Variants in RUNX2 observed in about 807,000 individuals in gnomAD.
RUNX2 encodes the protein RUNX family transcription factor 2.
A neutral mutation model predicts 51.7 loss-of-function variants in RUNX2; 10 were observed. That is an observed-to-expected ratio of 0.19 (90% confidence interval 0.12 to 0.33). The LOEUF (loss-of-function observed/expected upper bound fraction) is 0.33. Ranked by LOEUF, RUNX2 falls within the 10% of genes least tolerant of loss-of-function variation. The pLI, the probability that RUNX2 is intolerant of heterozygous loss-of-function variation, is 1.00. For synonymous variants in RUNX2, 276 were observed against 273.6 expected, an observed-to-expected ratio of 1.01 and a Z score of -0.09; for missense variants, 562 against 691.3, an observed-to-expected ratio of 0.81 and a Z score of 2.10.
At chr6:45,396,754 T>C (rs1385166242) in intron 2 of RUNX2, among the ~76,000 whole-genome samples, 1 of 152,218 alleles carries the variant, frequency 6.6e-6, no homozygotes, top group African/African-American at 2.4e-5. Context: ...TAGAATTATA[T>C]AATATGTGGC....
chr6:45,329,383 C>A (rs1786998068), intron 2 of RUNX2, among the ~76,000 whole-genome samples: 1 of 151,874 alleles, frequency 6.6e-6, no homozygotes, highest in Non-Finnish European at 1.5e-5. Flanking sequence ...ATACATTCAG[C>A]TGAAATAAAA....
At chr6:45,347,961 A>T (rs1167742208) in intron 2 of RUNX2, among the ~76,000 whole-genome samples, 1 of 152,170 alleles carries the variant, frequency 6.6e-6, no homozygotes, top group East Asian at 1.9e-4. Context: ...AAAATCTCAA[A>T]CAAATGCATT....
Position 45,510,719 on chromosome 6 carries a change from T to A in RUNX2, c.860-1527T>A, listed in dbSNP as rs146966735. On this transcript the variant is annotated intron_variant, in intron 6 of 8. Coordinates refer to ENST00000647337, the MANE Select transcript of RUNX2 (RefSeq NM_001024630.4). ...TCAGATATGTTTGAAACATGGAACTTACCCTATGTCACCCAGAGTTTTTTT... is the reference window on the plus strand; with the variant it reads ...TCAGATATGTTTGAAACATGGAACTAACCCTATGTCACCCAGAGTTTTTTT... Among the ~76,000 whole-genome samples the A allele has an allele frequency of 2.5e-4, 38 of 152,066 alleles. No homozygotes were observed. The East Asian group carries it at 4.0e-3, about 16-fold the overall frequency.
chr6:45,529,075 T>C (rs140991928), intron 7 of RUNX2, among the ~76,000 whole-genome samples: 2 of 152,338 alleles, frequency 1.3e-5, no homozygotes, highest in African/African-American at 4.8e-5. Context: ...AAAAGGAGAT[T>C]CCTCCTCATG....
intron 2 of RUNX2, among the ~76,000 whole-genome samples, chr6:45,368,217 T>C (rs535074565): frequency 1.3e-5 from 2 of 152,252 alleles, no homozygotes; most frequent in East Asian, 3.9e-4. Flanking sequence ...GATGTGCAGA[T>C]TGGGACCTAG....
At chr6:45,412,187 CAAAAA>C (rs35549153) in intron 2 of RUNX2, among the ~76,000 whole-genome samples, 14 of 119,932 alleles carry the variant, frequency 1.2e-4, no homozygotes, top group African/African-American at 4.5e-4. Context: ...ATAAAAAATA[CAAAAA>C]AAAAAAAAAA....
chr6:45,523,220 T>C (rs1801561510), intron 7 of RUNX2, among the ~76,000 whole-genome samples: 1 of 152,176 alleles, frequency 6.6e-6, no homozygotes, highest in Non-Finnish European at 1.5e-5. Flanking sequence ...CATTAACTGA[T>C]CACTGTTGAT....
At chr6:45,527,839 A>G (rs183373458) in intron 7 of RUNX2, among the ~76,000 whole-genome samples, 1 of 152,216 alleles carries the variant, frequency 6.6e-6, no homozygotes, top group Non-Finnish European at 1.5e-5. Flanking sequence ...TAGTACAATG[A>G]TGTACAATGA....
chr6:45,461,769 T>C (rs1460295496), intron 5 of RUNX2, among the ~76,000 whole-genome samples: 1 of 152,148 alleles, frequency 6.6e-6, no homozygotes, highest in Non-Finnish European at 1.5e-5. Context: ...TTTTTTGTTT[T>C]TTGAGGGATT....
At chr6:45,450,731 G>A (rs1799145088) in intron 5 of RUNX2, among the ~76,000 whole-genome samples, 1 of 152,106 alleles carries the variant, frequency 6.6e-6, no homozygotes, top group Non-Finnish European at 1.5e-5. Context: ...AGACATCAAG[G>A]CAAAAGGTAC....
intron 6 of RUNX2, among the ~76,000 whole-genome samples, chr6:45,493,649 G>GT (rs1181179359): frequency 1.3e-5 from 2 of 149,920 alleles, no homozygotes; most frequent in East Asian, 1.9e-4. Flanking sequence ...CTAAATATAT[G>GT]TAAAAAAAAA....
At chr6:45,426,891 T>C (rs183407567) in intron 3 of RUNX2, among the ~76,000 whole-genome samples, 1 of 152,238 alleles carries the variant, frequency 6.6e-6, no homozygotes, top group East Asian at 1.9e-4. Flanking sequence ...CAGTGAGTAG[T>C]ATTTTTCTTA....
At chr6:45,435,951 T>C (rs1361234555) in intron 4 of RUNX2, among the ~76,000 whole-genome samples, 2 of 152,216 alleles carry the variant, frequency 1.3e-5, no homozygotes, top group Admixed American at 6.5e-5. Context: ...CCTATTCAAG[T>C]TTCTGGTTTC....
At chr6:45,363,198 A>G (rs1794566443) in intron 2 of RUNX2, among the ~76,000 whole-genome samples, 1 of 152,156 alleles carries the variant, frequency 6.6e-6, no homozygotes, top group Admixed American at 6.6e-5. Context: ...TAGACAACAG[A>G]TAGATGAATA....
chr6:45,489,518 GTAAAGTCCTAGTGTA>G (rs1367712675), intron 5 of RUNX2, among the ~76,000 whole-genome samples: 1 of 152,178 alleles, frequency 6.6e-6, no homozygotes, highest in East Asian at 1.9e-4. Flanking sequence ...CATGGCCCAC[GTAAAGTCCTAGTGTA>G]TAAAGGAACC....
At chr6:45,502,274 C>G (rs548357277) in intron 6 of RUNX2, among the ~76,000 whole-genome samples, 1 of 152,074 alleles carries the variant, frequency 6.6e-6, no homozygotes, top group African/African-American at 2.4e-5. Context: ...CTCTTATGCA[C>G]GTTTGTTCTG....
chr6:45,457,965 G>C (rs1266404769), intron 5 of RUNX2, among the ~76,000 whole-genome samples: 2 of 152,006 alleles, frequency 1.3e-5, no homozygotes, highest in Non-Finnish European at 2.9e-5. Flanking sequence ...GGCAATGAAG[G>C]CTCTCTGACA....
intron 7 of RUNX2, among the ~76,000 whole-genome samples, chr6:45,532,891 A>G (rs1001570956): frequency 3.3e-5 from 5 of 149,846 alleles, no homozygotes; most frequent in African/African-American, 9.9e-5. Flanking sequence ...ACAGCTAGCT[A>G]AGCAGACCGG....
intron 7 of RUNX2, among the ~76,000 whole-genome samples, chr6:45,544,034 G>A (rs915510766): frequency 2.0e-5 from 3 of 151,136 alleles, no homozygotes; most frequent in Non-Finnish European, 4.4e-5. Context: ...ACATTTCTTG[G>A]TAACATAAAG....
Sources: gnomAD v4.1 joint callset for allele counts (sites outside exome capture counted in the v4.1 genomes callset) on GRCh38, gnomAD v4.1.1 for gene constraint, MANE v1.5 for transcripts, NCBI Gene and HGNC (gene_info 2026-07-23, HGNC 2026-07-21) for gene names.